RLIM: variants seen among roughly 807,000 people sequenced by gnomAD.
The protein encoded by RLIM is ring finger protein, LIM domain interacting.
A neutral mutation model predicts 34.0 loss-of-function variants in RLIM; 2 were observed. The observed-to-expected ratio is 0.06, with a 90% CI of 0.02 to 0.19. RLIM has a LOEUF of 0.19. Ranked by LOEUF, RLIM falls within the 10% of genes least tolerant of loss-of-function variation. The probability of loss-of-function intolerance (pLI) is 1.00; values close to 1 mark genes in which losing one functional copy is unlikely to be tolerated. For missense variants in RLIM, 286 were observed against 479.7 expected, an observed-to-expected ratio of 0.60 and a Z score of 3.77; for synonymous variants, 169 against 164.0, an observed-to-expected ratio of 1.03 and a Z score of -0.23.
intron 1 of RLIM, among the ~76,000 whole-genome samples, chrX:74,613,798 C>G (rs1435063024): frequency 2.7e-5 from 3 of 110,036 alleles, no homozygotes; most frequent in Non-Finnish European, 5.7e-5. Context: ...CCAGTGATAC[C>G]TGGCAAAGGA....
intron 1 of RLIM, among the ~76,000 whole-genome samples, chrX:74,603,632 G>C (rs2079670221): frequency 9.0e-6 from 1 of 111,709 alleles, no homozygotes; most frequent in African/African-American, 3.3e-5. Context: ...ATGACTGAAA[G>C]AAATCCAATG....
chrX:74,586,466 A>C lies in RLIM; in HGVS notation c.*4974T>G, dbSNP rs1277751293. On this transcript the variant is annotated 3_prime_UTR_variant, in exon 4 of 4. Transcript: ENST00000332687. Reference sequence around the variant, plus strand: ...GAACTTTAATAAACAAATCCTAATAAAAATAAATAATTTTTAGAATGTTGG... The same window carrying C: ...GAACTTTAATAAACAAATCCTAATACAAATAAATAATTTTTAGAATGTTGG... 8.9e-6 allele frequency: 1 copy of C among 112,358 alleles called. No individual in the cohort carries two copies. The highest frequency in any genetic ancestry group is 1.9e-5 in the Non-Finnish European group (1 of 53,310). The allele number at this position is 112,358 out of a possible 1,213,427, so 9.3% of individuals were successfully genotyped here. A position where few individuals can be genotyped will look rare whatever the true frequency, so the allele number is the denominator to read the frequency against.
chrX:74,592,284 C>G lies in RLIM; in HGVS notation c.1031G>C (p.Arg344Pro). ...GTTGTTTGGTGTCTGAGACCTAGAC[C>G]GAGTTCTGCTGGCTATGCTATCTCT... is the stretch of plus-strand genomic sequence containing the variant. Reference protein sequence around the residue: ...RQRDSIASRTRSRSQTPNNTV... With the variant: ...RQRDSIASRTPSRSQTPNNTV... Residue 344 changes from arginine to proline, a missense_variant, in exon 4 of 4, where the codon CGG (arginine) becomes CCG (proline). Arg to Pro is a moderately radical substitution (Grantham distance 103). This residue lies in a region of RLIM where 121 missense variants were observed against 182.4 expected (regional missense o/e 0.66). Transcript: ENST00000332687. 1 of 1,211,351 alleles carries G rather than the reference C, an allele frequency of 8.3e-7. No individual in the cohort carries two copies. Among genetic ancestry groups the G allele is most frequent in the Non-Finnish European group, 1.1e-6 (1 of 895,323 alleles).
intron 1 of RLIM, among the ~76,000 whole-genome samples, chrX:74,601,515 C>CA (rs767497790): frequency 2.2e-4 from 24 of 110,887 alleles, no homozygotes; most frequent in Admixed American, 5.7e-4. Context: ...TAAAAAAATA[C>CA]AAACCCCCCC....
rs1483342183 is a variant in RLIM at position 74,584,179 on chromosome X, C to G, written c.*7261G>C. On this transcript the variant is annotated 3_prime_UTR_variant, in exon 4 of 4. Transcript: ENST00000332687. ...AGGGCTTGGGATAAATACTAAGAAA[C>G]AAATTAGAAGTCATATAGTAGTGGG... Among the ~76,000 whole-genome samples the G allele has an allele frequency of 9.0e-6, 1 of 110,935 alleles. No individual in the cohort carries two copies. The highest frequency in any genetic ancestry group is 1.9e-5 in the Non-Finnish European group (1 of 52,997).
At chrX:74,599,834 T>C (rs1398360134) in intron 1 of RLIM, among the ~76,000 whole-genome samples, 4 of 111,415 alleles carry the variant, frequency 3.6e-5, no homozygotes, top group African/African-American at 1.3e-4. Context: ...GGGTAGTCTA[T>C]ATTGGTACTA....
Position 74,595,933 on chromosome X carries a change from A to G in RLIM, c.45T>C (p.Ser15=). 1.7e-6 allele frequency: 2 copies of G among 1,201,970 alleles called. No homozygotes were observed. Among genetic ancestry groups the G allele is most frequent in the Non-Finnish European group, 2.2e-6 (2 of 891,236 alleles). ...DSNDKGSGDQ[S]AAQRRSQMDR... ...CCATCTGACTTCTGCGCTGTGCTGC[A>G]GACTGATCACCACTTCCTTTGTCAT... is the stretch of plus-strand genomic sequence containing the variant. The change falls in exon 2 of 4, where the codon TCT becomes TCC. Residue 15 remains serine, a synonymous_variant. Transcript: ENST00000332687.
chrX:74,593,870 G>A (rs1008203382), intron 3 of RLIM, among the ~76,000 whole-genome samples: 3 of 112,371 alleles, frequency 2.7e-5, no homozygotes, highest in African/African-American at 9.7e-5. Context: ...ATGTCAGGAT[G>A]TTTGGCAGCA....
rs1307797059 is a variant in RLIM, at chrX:74,589,696, G to A, written c.*1744C>T. ...TTTATTTTGTAGAGTATTTGACTAC[G>A]TCTGGGTAGCTAGCTTGCTTTGATA... On this transcript the variant is annotated 3_prime_UTR_variant, in exon 4 of 4. Coordinates refer to ENST00000332687, the MANE Select transcript of RLIM (RefSeq NM_016120.4). 2 of 112,026 alleles carry A rather than the reference G, an allele frequency of 1.8e-5. No homozygotes were observed. Among genetic ancestry groups the A allele is most frequent in the Admixed American group, 9.5e-5 (1 of 10,519 alleles). 9.2% of individuals were successfully genotyped at this position (112,026 alleles called of 1,213,427 possible).
intron 1 of RLIM, among the ~76,000 whole-genome samples, chrX:74,603,749 C>T (rs2079670813): frequency 1.8e-5 from 2 of 111,666 alleles, no homozygotes; most frequent in Non-Finnish European, 3.8e-5. Context: ...AGCAGCTGCA[C>T]TAAGAGTAAA....
chrX:74,603,517 T>C (rs1202791719), intron 1 of RLIM, among the ~76,000 whole-genome samples: 3 of 112,066 alleles, frequency 2.7e-5, no homozygotes, highest in African/African-American at 9.7e-5. Context: ...ATGTGTCTTC[T>C]CTTCCCAAAT....
At chrX:74,594,794 G>C (rs1434715481) in intron 2 of RLIM, among the ~76,000 whole-genome samples, 1 of 107,640 alleles carries the variant, frequency 9.3e-6, no homozygotes, top group Non-Finnish European at 1.9e-5. Flanking sequence ...AGCTGCTTAG[G>C]AGACTGAGGC....
In RLIM at chrX:74,592,511, A is replaced by G. The variant is rs761247009; in HGVS notation, c.804T>C (p.His268=). ...CAGATATTTGCTGCCTCAATGTCAC[A>G]TGGTGCCGGGTTCTAGAACTTCCCT... ...ETEGSSRTRH[H]VTLRQQISGP... The change falls in exon 4 of 4, where the codon CAT becomes CAC. Residue 268 remains histidine, a synonymous_variant. Transcript: ENST00000332687. The G allele has an allele frequency of 8.3e-6, 10 of 1,210,211 alleles. No individual in the cohort carries two copies. Among genetic ancestry groups the G allele is most frequent in the Admixed American group, 2.2e-5 (1 of 45,723 alleles).
Position 74,610,395 on chromosome X carries a change from C to T in RLIM, c.-24+4027G>A, listed in dbSNP as rs184429971. Reference sequence around the variant, plus strand: ...TCGTGCCACCGCACTCCAGCCTGGGCGACAGAGCAAAACTCGTCCTGCCCT... The same window carrying T: ...TCGTGCCACCGCACTCCAGCCTGGGTGACAGAGCAAAACTCGTCCTGCCCT... On this transcript the variant is annotated intron_variant, in intron 1 of 3. Transcript: ENST00000332687. Among the ~76,000 whole-genome samples the T allele has an allele frequency of 6.5e-3, 695 of 107,313 alleles. 5 individuals carry two copies. Among genetic ancestry groups the T allele is most frequent in the Non-Finnish European group, 8.9e-3 (465 of 52,129 alleles). The allele number at this position is 107,313 out of a possible 115,157, so 93.2% of individuals were successfully genotyped here. A position where few individuals can be genotyped will look rare whatever the true frequency, so the allele number is the denominator to read the frequency against.
Position 74,583,225 on chromosome X carries a change from C to A in RLIM, c.*8215G>T. The A allele has an allele frequency of 9.7e-7, 1 of 1,029,781 alleles. No homozygotes were observed. Among genetic ancestry groups the A allele is most frequent in the Non-Finnish European group, 1.4e-6 (1 of 728,873 alleles). The allele number at this position is 1,029,781 out of a possible 1,213,427, so 84.9% of individuals were successfully genotyped here. On this transcript the variant is annotated 3_prime_UTR_variant, in exon 4 of 4. Transcript: ENST00000332687. ...GGAGACTTGAGCATATGAAGAAGTT[C>A]TGAATTATCAATCTCCAACAACACG...
At position 74,591,631 on chromosome X, in the gene RLIM, C is replaced by G; in HGVS notation, c.1684G>C (p.Gly562Arg). 8.3e-7 allele frequency: 1 copy of G among 1,211,484 alleles called. No homozygotes were observed. The highest frequency in any genetic ancestry group is 1.8e-5 in the South Asian group (1 of 56,999). Residue 562 changes from glycine to arginine, a missense_variant, in exon 4 of 4, where the codon GGT becomes CGT. Transcript: ENST00000332687. ...CAGGTTTTTAATGCATCATTTTCAC[C>G]AAAACTTCTCATTGCCAAGTTGTCA... is the stretch of plus-strand genomic sequence containing the variant. Reference protein sequence around the residue: ...QIDNLAMRSFGENDALKTCSV... With the variant: ...QIDNLAMRSFRENDALKTCSV...
At position 74,613,569 on chromosome X, in the gene RLIM, G is replaced by C. The variant is rs143342693; in HGVS notation, c.-24+853C>G. On this transcript the variant is annotated intron_variant, in intron 1 of 3. Transcript: ENST00000332687. ...TATTCAGGAAGCAGAAGCCCAACCG[G>C]TTAATACTAGTTACTAAGCTATGGC... 1.5e-3 allele frequency among the ~76,000 whole-genome samples: 158 copies of C among 107,733 alleles called. 1 individual carries two copies. In the East Asian group the frequency reaches 0.043, roughly 29 times the overall value. The allele number at this position is 107,733 out of a possible 115,157, so 93.6% of individuals were successfully genotyped here.
intron 1 of RLIM, among the ~76,000 whole-genome samples, chrX:74,611,082 A>G (rs2079708775): frequency 9.0e-6 from 1 of 111,514 alleles, no homozygotes; most frequent in African/African-American, 3.3e-5. Context: ...TAAACTAGAT[A>G]CTTTCTGAAA....
chrX:74,596,896 C>T, intron 1 of RLIM, among the ~76,000 whole-genome samples: 1 of 111,427 alleles, frequency 9.0e-6, no homozygotes, highest in Non-Finnish European at 1.9e-5. Flanking sequence ...GAAAAGTGGA[C>T]TCTGAATGTC....
Sources: gnomAD v4.1 joint callset for allele counts (sites outside exome capture counted in the v4.1 genomes callset) on GRCh38, gnomAD v4.1.1 for gene constraint, gnomAD v4.1.1 regional missense constraint, MANE v1.5 for transcripts, NCBI Gene and HGNC (gene_info 2026-07-23, HGNC 2026-07-21) for gene names.